The following CYP19A1 variants were observed in gnomAD, a reference collection of about 807,000 sequenced individuals.
CYP19A1 encodes aromatase.
A neutral mutation model predicts 44.4 loss-of-function variants in CYP19A1; 32 were observed. The observed-to-expected ratio is 0.72, with a 90% CI of 0.54 to 0.97. The LOEUF (loss-of-function observed/expected upper bound fraction) is 0.97, where lower values mean the gene tolerates loss of function less well. Ranked by LOEUF, CYP19A1 falls within the 50% of genes least tolerant of loss-of-function variation. The pLI is 0.00. For missense variants in CYP19A1, 598 were observed against 637.8 expected (o/e 0.94, Z 0.67); for synonymous variants, 212 against 215.6 (o/e 0.98, Z 0.14).
intron 1 of CYP19A1, among the ~76,000 whole-genome samples, chr15:51,301,816 T>G (rs1015132288): frequency 8.5e-5 from 13 of 152,152 alleles, no homozygotes; most frequent in African/African-American, 3.1e-4. Context: ...AAAACAAAAG[T>G]CCAAAGCATG....
At chr15:51,311,208 C>T (rs35874819) in intron 1 of CYP19A1, among the ~76,000 whole-genome samples, 5 of 151,838 alleles carry the variant, frequency 3.3e-5, no homozygotes, top group Admixed American at 1.3e-4. Flanking sequence ...AATCATCCTG[C>T]GTGACATAAA....
intron 1 of CYP19A1, among the ~76,000 whole-genome samples, chr15:51,303,003 G>A (rs1470796041): frequency 6.6e-6 from 1 of 152,186 alleles, no homozygotes; most frequent in Non-Finnish European, 1.5e-5. Flanking sequence ...GCTTCTTCCT[G>A]AGGCTAGTAA....
At chr15:51,235,717 A>T (rs2033349433) in intron 3 of CYP19A1, among the ~76,000 whole-genome samples, 1 of 152,160 alleles carries the variant, frequency 6.6e-6, no homozygotes, top group African/African-American at 2.4e-5. Flanking sequence ...ATTTTATGAG[A>T]TGATGTATGT....
At chr15:51,329,028 T>C (rs1223807087) in intron 1 of CYP19A1, among the ~76,000 whole-genome samples, 1 of 152,198 alleles carries the variant, frequency 6.6e-6, no homozygotes, top group East Asian at 1.9e-4. Context: ...CTTGCCAACT[T>C]ACCCTGCAGA....
intron 2 of CYP19A1, among the ~76,000 whole-genome samples, chr15:51,238,716 G>T (rs768604923): frequency 2.0e-5 from 3 of 152,212 alleles, no homozygotes; most frequent in Non-Finnish European, 4.4e-5. Context: ...ACGCAGGAGA[G>T]ATATATCTAC....
chr15:51,268,189 G>A (rs1374151349), intron 1 of CYP19A1, among the ~76,000 whole-genome samples: 1 of 152,096 alleles, frequency 6.6e-6, no homozygotes, highest in Non-Finnish European at 1.5e-5. Context: ...ATATACACAT[G>A]CACTTGTGAA....
At chr15:51,320,689 A>G (rs533325846) in intron 1 of CYP19A1, among the ~76,000 whole-genome samples, 31 of 152,256 alleles carry the variant, frequency 2.0e-4, no homozygotes, top group South Asian at 1.5e-3. Context: ...TCCTGTCCCC[A>G]AAGCTCTGCC....
chr15:51,258,953 G>A (rs1042328983), intron 1 of CYP19A1, among the ~76,000 whole-genome samples: 1 of 152,184 alleles, frequency 6.6e-6, no homozygotes, highest in Non-Finnish European at 1.5e-5. Context: ...TGAGAAAGTG[G>A]GAAAGTCTTA....
At position 51,325,076 on chromosome 15, in the gene CYP19A1, G is replaced by C. The variant is rs557729658; in HGVS notation, c.-39+13419C>G. On this transcript the variant is annotated intron_variant, in intron 1 of 9. Coordinates refer to ENST00000396402, the MANE Select transcript of CYP19A1 (RefSeq NM_000103.4). ...GAACCAGGTAAAATTTCCAAGTTTA[G>C]GGCACACGGTTATGTGCCTGTAGTC... Among the ~76,000 whole-genome samples the C allele has an allele frequency of 8.6e-4, 131 of 152,264 alleles. 1 individual carries two copies. Among genetic ancestry groups the C allele is most frequent in the Non-Finnish European group, 1.6e-4 (11 of 68,022 alleles).
At chr15:51,220,142 T>C (rs912561075) in intron 5 of CYP19A1, among the ~76,000 whole-genome samples, 9 of 152,178 alleles carry the variant, frequency 5.9e-5, no homozygotes, top group African/African-American at 1.9e-4. Flanking sequence ...CCGCCTGGAG[T>C]GTTCTTCCCT....
chr15:51,293,127 G>A (rs1421766608), intron 1 of CYP19A1, among the ~76,000 whole-genome samples: 1 of 151,998 alleles, frequency 6.6e-6, no homozygotes, highest in Non-Finnish European at 1.5e-5. Context: ...GGTGGGAGGG[G>A]GTGAGGGACA....
rs1303356383 is a variant in CYP19A1, at chr15:51,215,241, T to C, written c.859-9A>G. On this transcript the variant is annotated splice_polypyrimidine_tract_variant and intron_variant, in intron 7 of 9. Coordinates refer to ENST00000396402, the MANE Select transcript of CYP19A1 (RefSeq NM_000103.4). ...GTCAGGTCACCACGTTTCTGAACAA[T>C]TGGAAGATGGGAAAAATTTGGAAAA... The C allele has an allele frequency of 1.9e-6, 3 of 1,613,896 alleles. No individual in the cohort carries two copies. Among genetic ancestry groups the C allele is most frequent in the East Asian group, 2.2e-5 (1 of 44,836 alleles).
chr15:51,243,635 A>G (rs2033912315), intron 1 of CYP19A1, among the ~76,000 whole-genome samples: 1 of 152,176 alleles, frequency 6.6e-6, no homozygotes, highest in Non-Finnish European at 1.5e-5. Flanking sequence ...GAAAAAAAGA[A>G]TTGCAGAGGA....
chr15:51,262,158 C>A (rs1393488034), intron 1 of CYP19A1, among the ~76,000 whole-genome samples: 1 of 152,226 alleles, frequency 6.6e-6, no homozygotes, highest in Non-Finnish European at 1.5e-5. Flanking sequence ...ATAGCATGAG[C>A]GATCTGTGCC....
chr15:51,263,590 G>C (rs75541964), intron 1 of CYP19A1, among the ~76,000 whole-genome samples: 1,547 of 152,268 alleles, frequency 0.01, 11 homozygotes, highest in Middle Eastern at 0.031. Flanking sequence ...TCAAAGATTT[G>C]GAAAAGAGAG....
chr15:51,238,414 G>A (rs1436694169), intron 2 of CYP19A1, among the ~76,000 whole-genome samples: 1 of 152,218 alleles, frequency 6.6e-6, no homozygotes, highest in Non-Finnish European at 1.5e-5. Context: ...CATTGTAGAT[G>A]CTCAACGAAT....
Position 51,236,848 on chromosome 15 carries a change from A to G in CYP19A1, c.296+11T>C. On this transcript the variant is annotated intron_variant, in intron 3 of 9. Coordinates refer to ENST00000396402, the MANE Select transcript of CYP19A1 (RefSeq NM_000103.4). ...TTTAAAAAGTATGTCTTCGATTATG[A>G]ACAGACTCACTTGCTGATAATGAGT... 6.2e-7 allele frequency: 1 copy of G among 1,614,058 alleles called. No individual in the cohort carries two copies. The highest frequency in any genetic ancestry group is 8.5e-7 in the Non-Finnish European group (1 of 1,179,894).
At chr15:51,302,110 T>G (rs971139128) in intron 1 of CYP19A1, among the ~76,000 whole-genome samples, 1 of 152,212 alleles carries the variant, frequency 6.6e-6, no homozygotes, top group Non-Finnish European at 1.5e-5. Flanking sequence ...GTCATGTTCT[T>G]GCCATCTAAA....
chr15:51,232,242 T>C (rs1333168590), intron 3 of CYP19A1, among the ~76,000 whole-genome samples: 1 of 152,146 alleles, frequency 6.6e-6, no homozygotes, highest in Non-Finnish European at 1.5e-5. Flanking sequence ...TTGAAACTGC[T>C]CTTGTCAAGG....
Sources: allele counts gnomAD v4.1 joint callset (sites outside exome capture counted in the v4.1 genomes callset), GRCh38; gene constraint gnomAD v4.1.1; transcripts MANE v1.5; gene names NCBI Gene and HGNC (gene_info 2026-07-23, HGNC 2026-07-21).